HTN3: variants seen among roughly 807,000 people sequenced by gnomAD.
HTN3 encodes histatin 3.
In HTN3, 15 loss-of-function variants were observed where a neutral mutation model predicts 10.6. The observed-to-expected ratio is 1.42, with a 90% CI of 0.95 to 2.18. The LOEUF (loss-of-function observed/expected upper bound fraction) is 2.18. HTN3 is among the 30% of genes most tolerant of loss of function. HTN3 has a pLI of 0.00. For missense variants in HTN3, 68 were observed against 58.0 expected, an observed-to-expected ratio of 1.17 and a Z score of -0.56; for synonymous variants, 15 against 16.9, an observed-to-expected ratio of 0.89 and a Z score of 0.27.
chr4:70,032,338 T>C (rs565957559), intron 4 of HTN3, among the ~76,000 whole-genome samples: 7 of 152,170 alleles, frequency 4.6e-5, no homozygotes, highest in Admixed American at 3.3e-4. Context: ...TTTTCAATTA[T>C]TCTTTGAGAG....
intron 5 of HTN3, among the ~76,000 whole-genome samples, chr4:70,035,071 G>A (rs767787901): frequency 1.4e-4 from 22 of 152,020 alleles, no homozygotes; most frequent in Non-Finnish European, 3.2e-4. Flanking sequence ...AACATAGAGG[G>A]CTGATCAATA....
In HTN3 at chr4:70,031,974, C is replaced by T; in HGVS notation, c.52-5C>T. On this transcript the variant is annotated splice_polypyrimidine_tract_variant and splice_region_variant and intron_variant, in intron 2 of 5. Coordinates refer to ENST00000673563, the MANE Select transcript of HTN3 (RefSeq NM_000200.3). ...AATTATTTTCTCATTTTCTTCTTTT[C>T]CAAGGGAGCTGATTCACATGCAAAG... 6.5e-7 allele frequency: 1 copy of T among 1,538,958 alleles called. No homozygotes were observed. Among genetic ancestry groups the T allele is most frequent in the Non-Finnish European group, 8.9e-7 (1 of 1,118,786 alleles).
rs199825354 is a variant in HTN3, at chr4:70,030,728, G to A, written c.-13G>A. 1.6e-5 allele frequency: 26 copies of A among 1,599,138 alleles called. No homozygotes were observed. In the East Asian group the frequency reaches 5.8e-4, roughly 36 times the overall value. ...TGATTTTTCATGTTTGATTTTATAG[G>A]ACTCAGCCAACTATGAAGTTTTTTG... On this transcript the variant is annotated splice_region_variant and 5_prime_UTR_variant, in exon 2 of 6. Coordinates refer to ENST00000673563, the MANE Select transcript of HTN3 (RefSeq NM_000200.3).
rs1335757635 is a variant in HTN3, at chr4:70,036,319, A to G, written c.*86A>G. ...CGTGTATTCTCATTTGTCATACCGC[A>G]TCACACTACCACTGCTTTTTGAAGA... On this transcript the variant is annotated 3_prime_UTR_variant, in exon 6 of 6. Transcript: ENST00000673563. The G allele has an allele frequency of 6.6e-6, 1 of 152,222 alleles. No individual in the cohort carries two copies. The highest frequency in any genetic ancestry group is 2.1e-4 in the South Asian group (1 of 4,834). 9.4% of individuals were successfully genotyped at this position (152,222 alleles called of 1,614,324 possible). A position where few individuals can be genotyped will look rare whatever the true frequency, so the allele number is the denominator to read the frequency against.
rs184638013 is a variant in HTN3, at chr4:70,032,023, A to G, written c.72+24A>G. 9.6e-6 allele frequency: 15 copies of G among 1,563,638 alleles called. No homozygotes were observed. In the East Asian group the frequency reaches 2.9e-4, roughly 31 times the overall value. On this transcript the variant is annotated intron_variant, in intron 3 of 5. Coordinates refer to ENST00000673563, the MANE Select transcript of HTN3 (RefSeq NM_000200.3). ...AGGTAAGACATTTTCATTTACTGGAAAACTTGATAATTAATCATATATTGA... is the reference window on the plus strand; with the variant it reads ...AGGTAAGACATTTTCATTTACTGGAGAACTTGATAATTAATCATATATTGA...
intron 5 of HTN3, among the ~76,000 whole-genome samples, chr4:70,035,996 T>G (rs1333412200): frequency 6.6e-6 from 1 of 151,412 alleles, no homozygotes; most frequent in Non-Finnish European, 1.5e-5. Context: ...TATATTTAAG[T>G]GAGAGAATAA....
chr4:70,030,837 C>T, intron 2 of HTN3, 46 bp downstream of exon 2: 2 of 1,393,236 alleles, frequency 1.4e-6, no homozygotes, highest in Non-Finnish European at 2.0e-6. Flanking sequence ...CAGTACTTAT[C>T]CCAAGGATCT....
intron 4 of HTN3, among the ~76,000 whole-genome samples, chr4:70,032,400 T>C (rs1378302611): frequency 6.6e-6 from 1 of 152,046 alleles, no homozygotes. Flanking sequence ...GAATAGTTCC[T>C]AATTCTATGA....
chr4:70,033,035 A>G, intron 4 of HTN3, 132 bp from the exon 5 acceptor site: 1 of 635,220 alleles, frequency 1.6e-6, no homozygotes, highest in Non-Finnish European at 2.7e-6. Flanking sequence ...ATTTGAAAAC[A>G]TTTATGTAGA....
chr4:70,031,969 CT>C lies in HTN3; in HGVS notation c.52-6del. On this transcript the variant is annotated splice_polypyrimidine_tract_variant and intron_variant, in intron 2 of 5. Coordinates refer to ENST00000673563, the MANE Select transcript of HTN3 (RefSeq NM_000200.3). ...ATATTAATTATTTTCTCATTTTCTT[CT>C]TTTCCAAGGGAGCTGATTCACATGC... The C allele has an allele frequency of 1.3e-6, 2 of 1,532,502 alleles. No individual in the cohort carries two copies. Among genetic ancestry groups the C allele is most frequent in the Non-Finnish European group, 1.8e-6 (2 of 1,115,010 alleles). The allele number at this position is 1,532,502 out of a possible 1,614,324, so 94.9% of individuals were successfully genotyped here. A position where few individuals can be genotyped will look rare whatever the true frequency, so the allele number is the denominator to read the frequency against.
intron 4 of HTN3, among the ~76,000 whole-genome samples, 175 bp downstream of exon 4, chr4:70,032,282 C>T (rs1296367501): frequency 6.6e-6 from 1 of 151,946 alleles, no homozygotes. Flanking sequence ...ATCTTGTGTT[C>T]TAACAGCATT....
rs755304884 is a variant in HTN3 at position 70,032,058 on chromosome 4, C to A, written c.73-20C>A. On this transcript the variant is annotated intron_variant, in intron 3 of 5. Transcript: ENST00000673563. ...ATTAATCATATATTGAATTTTTAAT[C>A]TTTTCTTTTTATTTCATAGAGACAT... 78 of 1,535,934 alleles carry A rather than the reference C, an allele frequency of 5.1e-5. No homozygotes were observed. The highest frequency in any genetic ancestry group is 6.5e-5 in the Non-Finnish European group (73 of 1,116,520).
At chr4:70,035,375 T>C (rs1725488839) in intron 5 of HTN3, among the ~76,000 whole-genome samples, 1 of 152,194 alleles carries the variant, frequency 6.6e-6, no homozygotes, top group Non-Finnish European at 1.5e-5. Flanking sequence ...TTTATAGAAT[T>C]TGTAGGGCTA....
At chr4:70,029,397 A>G (rs2109705798) in intron 1 of HTN3, among the ~76,000 whole-genome samples, 1 of 152,190 alleles carries the variant, frequency 6.6e-6, no homozygotes, top group African/African-American at 2.4e-5. Flanking sequence ...GTGAAGCAAA[A>G]TGAATGAAGA....
At chr4:70,030,366 C>G (rs772011124) in intron 1 of HTN3, among the ~76,000 whole-genome samples, 4 of 152,102 alleles carry the variant, frequency 2.6e-5, no homozygotes, top group East Asian at 1.9e-4. Context: ...GGGCTCACAC[C>G]GAAGATCCAA....
At chr4:70,032,918 T>C (rs79298613) in intron 4 of HTN3, among the ~76,000 whole-genome samples, 1 of 152,154 alleles carries the variant, frequency 6.6e-6, no homozygotes, top group Non-Finnish European at 1.5e-5. Context: ...CTATAATCAG[T>C]GTTCCAACAT....
chr4:70,035,857 C>G (rs1320856965), intron 5 of HTN3, among the ~76,000 whole-genome samples: 6 of 151,980 alleles, frequency 3.9e-5, no homozygotes, highest in Admixed American at 2.0e-4. Context: ...ATATTGAATT[C>G]CTGCTCTTCG....
At chr4:70,031,830 T>C in intron 2 of HTN3, 149 bp from the exon 3 acceptor site, 1 of 603,028 alleles carries the variant, frequency 1.7e-6, no homozygotes, top group Admixed American at 3.2e-5. Context: ...AAAGATGTCA[T>C]AAAGCTAAAA....
chr4:70,030,367 G>A (rs1725352990), intron 1 of HTN3, among the ~76,000 whole-genome samples: 2 of 152,078 alleles, frequency 1.3e-5, no homozygotes, highest in South Asian at 2.1e-4. Context: ...GGCTCACACC[G>A]AAGATCCAAG....
Sources: gnomAD v4.1 joint callset for allele counts (sites outside exome capture counted in the v4.1 genomes callset) on GRCh38, gnomAD v4.1.1 for gene constraint, MANE v1.5 for transcripts, NCBI Gene and HGNC (gene_info 2026-07-23, HGNC 2026-07-21) for gene names.